PDPN: variants seen among roughly 807,000 people sequenced by gnomAD.
PDPN encodes PA2.26 antigen.
PDPN carries 12 observed loss-of-function variants against 23.2 expected under a neutral mutation model. The observed-to-expected ratio is 0.52, with a 90% confidence interval of 0.33 to 0.84. PDPN has a LOEUF of 0.84. Among genes scored for constraint, PDPN ranks in the 40% least tolerant of loss-of-function variants. PDPN has a pLI of 0.02. For missense variants in PDPN, 199 were observed against 212.2 expected, an observed-to-expected ratio of 0.94 and a Z score of 0.39; for synonymous variants, 77 against 76.7, an observed-to-expected ratio of 1.00 and a Z score of -0.02.
At chr1:13,603,647 G>A (rs1640706387) in intron 1 of PDPN, among the ~76,000 whole-genome samples, 1 of 151,080 alleles carries the variant, frequency 6.6e-6, no homozygotes. Context: ...GGAGTGCAGT[G>A]GCATGATCTC....
chr1:13,607,284 A>C lies in PDPN; in HGVS notation c.179A>C (p.Tyr60Ser), dbSNP rs150621747. ...VVTPGTSEDR[Y>S]KSGLTTLVAT... ...ACTCCAGGAACCAGCGAAGACCGCTATAAGTCTGGCTTGACAACTCTGGTC... is the reference window on the plus strand; with the variant it reads ...ACTCCAGGAACCAGCGAAGACCGCTCTAAGTCTGGCTTGACAACTCTGGTC... Residue 60 changes from tyrosine to serine, a missense_variant, in exon 2 of 6, where the codon TAT becomes TCT. Tyr to Ser is a moderately radical substitution (Grantham distance 144, BLOSUM62 -2). Coordinates refer to ENST00000621990, the MANE Select transcript of PDPN (RefSeq NM_006474.5). 3 of 1,614,150 alleles carry C rather than the reference A, an allele frequency of 1.9e-6. No homozygotes were observed. Among genetic ancestry groups the C allele is most frequent in the Non-Finnish European group, 1.7e-6 (2 of 1,179,980 alleles).
At chr1:13,612,888 C>CTCCAATTTCTTAT (rs56226938) in intron 3 of PDPN, among the ~76,000 whole-genome samples, 146,183 of 152,088 alleles carry the variant, frequency 0.96, 70,371 homozygotes, top group East Asian at 1. Context: ...TGATTAACTT[C>CTCCAATTTCTTAT]TAAATCAAGG....
chr1:13,609,349 C>T (rs1640875316), intron 2 of PDPN, among the ~76,000 whole-genome samples: 1 of 152,106 alleles, frequency 6.6e-6, no homozygotes, highest in African/African-American at 2.4e-5. Flanking sequence ...TTCAAGAGAG[C>T]AGAGAATTTA....
chr1:13,584,249 A>T, intron 1 of PDPN, 149 bp downstream of exon 1: 2 of 993,538 alleles, frequency 2.0e-6, no homozygotes, highest in Non-Finnish European at 2.6e-6. Flanking sequence ...TGAGCGCCGG[A>T]GGAGGAGAGG....
intron 1 of PDPN, among the ~76,000 whole-genome samples, chr1:13,599,151 C>T (rs1640574702): frequency 6.6e-6 from 1 of 151,554 alleles, no homozygotes; most frequent in African/African-American, 2.4e-5. Flanking sequence ...GCTGGGACTA[C>T]AGGTGTGCAC....
chr1:13,608,541 G>A (rs1640851792), intron 2 of PDPN, among the ~76,000 whole-genome samples: 1 of 152,106 alleles, frequency 6.6e-6, no homozygotes, highest in Non-Finnish European at 1.5e-5. Flanking sequence ...ATCTTTCCAT[G>A]GCTGACTTTT....
rs569776620 is a variant in PDPN at position 13,598,172 on chromosome 1, C to A, written c.68-9001C>A. On this transcript the variant is annotated intron_variant, in intron 1 of 5. Coordinates refer to ENST00000621990, the MANE Select transcript of PDPN (RefSeq NM_006474.5). ...CTGGGATTACAGGCACAAGCCACCA[C>A]GCCTGGCTAATTTTTTGTGTTTTTA... Among the ~76,000 whole-genome samples, 29 of 152,132 alleles carry A rather than the reference C, an allele frequency of 1.9e-4. No individual in the cohort carries two copies. In the East Asian group the frequency reaches 4.1e-3, roughly 22 times the overall value.
intron 5 of PDPN, 116 bp from the exon 6 acceptor site, chr1:13,615,789 C>G (rs74058147): frequency 2.1e-6 from 2 of 940,152 alleles, no homozygotes; most frequent in African/African-American, 3.3e-5. Context: ...GAGATGATCA[C>G]CAGGTGTCAG....
intron 1 of PDPN, 79 bp from the exon 2 acceptor site, chr1:13,607,094 A>T: frequency 1.4e-6 from 2 of 1,460,608 alleles, no homozygotes; most frequent in East Asian, 2.4e-5. Context: ...GGAAAAGAAA[A>T]TAATCCGAAT....
intron 1 of PDPN, among the ~76,000 whole-genome samples, chr1:13,604,597 A>G (rs903274292): frequency 1.4e-5 from 2 of 141,934 alleles, no homozygotes; most frequent in Admixed American, 1.5e-4. Context: ...AATTTCATTG[A>G]GCACTTGATT....
intron 1 of PDPN, among the ~76,000 whole-genome samples, chr1:13,591,981 C>T (rs1004926567): frequency 6.6e-6 from 1 of 152,194 alleles, no homozygotes; most frequent in African/African-American, 2.4e-5. Context: ...TTCTCTTTCT[C>T]TGTGTGTGTG....
chr1:13,586,334 T>G (rs564828195), intron 1 of PDPN, among the ~76,000 whole-genome samples: 3 of 152,306 alleles, frequency 2.0e-5, no homozygotes, highest in Admixed American at 1.3e-4. Flanking sequence ...AGATCAGGTC[T>G]GTTAGAGGCT....
At chr1:13,610,806 C>T (rs898945281) in intron 3 of PDPN, among the ~76,000 whole-genome samples, 4 of 152,006 alleles carry the variant, frequency 2.6e-5, no homozygotes, top group Non-Finnish European at 5.9e-5. Flanking sequence ...TAGAATGTGA[C>T]GTGAAGAACT....
chr1:13,587,124 C>T (rs963988173), intron 1 of PDPN, among the ~76,000 whole-genome samples: 11 of 152,270 alleles, frequency 7.2e-5, no homozygotes, highest in Admixed American at 2.6e-4. Context: ...GCCTCTTAAA[C>T]GTAGAAACAA....
intron 1 of PDPN, among the ~76,000 whole-genome samples, chr1:13,584,573 TC>T: frequency 6.6e-6 from 1 of 152,276 alleles, no homozygotes; most frequent in South Asian, 2.1e-4. Context: ...GTGGCCCTGG[TC>T]CCCCTTGGGA....
intron 1 of PDPN, among the ~76,000 whole-genome samples, chr1:13,584,743 C>T (rs919249572): frequency 1.3e-5 from 2 of 152,188 alleles, no homozygotes; most frequent in Non-Finnish European, 2.9e-5. Context: ...TTACGCGTTA[C>T]GAACATTGAG....
chr1:13,613,298 C>G (rs1640981861), intron 3 of PDPN, among the ~76,000 whole-genome samples: 1 of 152,158 alleles, frequency 6.6e-6, no homozygotes, highest in African/African-American at 2.4e-5. Flanking sequence ...CACAGTCTGT[C>G]CCTTCTCTGT....
In PDPN at chr1:13,617,466, G is replaced by A. The variant is rs1641105476; in HGVS notation, c.*1555G>A. The A allele has an allele frequency of 6.6e-6, 1 of 152,090 alleles. No individual in the cohort carries two copies. Among genetic ancestry groups the A allele is most frequent in the Admixed American group, 6.5e-5 (1 of 15,270 alleles). 9.4% of individuals were successfully genotyped at this position (152,090 alleles called of 1,614,324 possible). A position where few individuals can be genotyped will look rare whatever the true frequency, so the allele number is the denominator to read the frequency against. ...CCGGCAATTATACATGTGTCAGGAT[G>A]TCAAAAAGCAATTCTCCTGCCTCAG... is the stretch of plus-strand genomic sequence containing the variant. On this transcript the variant is annotated 3_prime_UTR_variant, in exon 6 of 6. Transcript: ENST00000621990.
intron 4 of PDPN, among the ~76,000 whole-genome samples, chr1:13,613,967 T>C (rs1222566049): frequency 1.3e-5 from 2 of 150,972 alleles, no homozygotes; most frequent in Non-Finnish European, 2.9e-5. Context: ...ATGTCAGATA[T>C]GGGGAATGGT....
Sources: gnomAD v4.1 joint callset for allele counts (sites outside exome capture counted in the v4.1 genomes callset) on GRCh38, gnomAD v4.1.1 for gene constraint, MANE v1.5 for transcripts, NCBI Gene and HGNC (gene_info 2026-07-23, HGNC 2026-07-21) for gene names.